Variants in OLR1 observed in about 807,000 individuals in gnomAD.
OLR1 encodes oxidized low-density lipoprotein receptor 1.
Under a neutral mutation model 31.7 loss-of-function variants are expected in OLR1, and 23 were observed. The observed-to-expected ratio is 0.72, with a 90% CI of 0.52 to 1.03. The LOEUF is 1.03. OLR1 is among the 50% of genes least tolerant of loss of function. OLR1 has a pLI of 0.00. For synonymous variants in OLR1, 117 were observed against 115.8 expected (o/e 1.01, Z -0.07); for missense variants, 286 against 315.7 (o/e 0.91, Z 0.71).
chr12:10,167,141 T>G (rs1396960669), intron 2 of OLR1, 184 bp from the exon 3 acceptor site: 14 of 599,144 alleles, frequency 2.3e-5, no homozygotes, highest in African/African-American at 1.9e-4. Flanking sequence ...GTATTTTGTT[T>G]AATGTCAGGA....
chr12:10,174,270 C>T (rs1036751523), upstream of OLR1, among the ~76,000 whole-genome samples: 3 of 152,046 alleles, frequency 2.0e-5, no homozygotes, highest in African/African-American at 7.3e-5. Context: ...ACCATGTTGG[C>T]CAGGCTGGTC....
In OLR1 at chr12:10,169,170, G is replaced by GAAGTGTA. The variant is rs759010590; in HGVS notation, c.81_82insTACACTT (p.Gln28TyrfsTer40). The GAAGTGTA allele has an allele frequency of 6.2e-7, 1 of 1,609,094 alleles. No homozygotes were observed. Among genetic ancestry groups the GAAGTGTA allele is most frequent in the Non-Finnish European group, 8.5e-7 (1 of 1,177,976 alleles). ...CACCACCATGGAGAGTAAAGAAACT[G>GAAGTGTA]AAGACCTAGAGTGACAGAGGATAGA... On this transcript the variant is annotated frameshift_variant, in exon 2 of 6. Transcript: ENST00000309539. LOFTEE classifies it high-confidence loss of function.
chr12:10,172,206 T>C, upstream of OLR1: 1 of 653,064 alleles, frequency 1.5e-6, no homozygotes, highest in Non-Finnish European at 2.7e-6. Context: ...CAATCATTGG[T>C]AGGAGGAAGG....
rs780750116 is a variant in OLR1, at chr12:10,169,103, A to G, written c.149T>C (p.Val50Ala). Residue 50 changes from valine to alanine, a missense_variant, in exon 2 of 6, where the codon GTA becomes GCA. By Grantham distance (64) the Val-to-Ala change is moderately conservative. Coordinates refer to ENST00000309539, the MANE Select transcript of OLR1 (RefSeq NM_002543.4). Reference protein sequence around the residue: ...ATLGVLCLGLVVTIMVLGMQL... With the variant: ...ATLGVLCLGLAVTIMVLGMQL... ...CATGCCCAGCACCATAATGGTCACTACTAATCCCAGGCAAAGGACCCCTAG... is the reference window on the plus strand; with the variant it reads ...CATGCCCAGCACCATAATGGTCACTGCTAATCCCAGGCAAAGGACCCCTAG... The G allele has an allele frequency of 6.2e-7, 1 of 1,613,910 alleles. No homozygotes were observed. The highest frequency in any genetic ancestry group is 8.5e-7 in the Non-Finnish European group (1 of 1,179,934).
intron 3 of OLR1, among the ~76,000 whole-genome samples, chr12:10,165,132 G>C (rs1565420849): frequency 6.6e-6 from 1 of 152,128 alleles, no homozygotes; most frequent in Admixed American, 6.5e-5. Flanking sequence ...GTGTGGTGGC[G>C]GGTGCCTCTA....
intron 1 of OLR1, among the ~76,000 whole-genome samples, chr12:10,169,777 C>G (rs1948694682): frequency 6.6e-6 from 1 of 151,982 alleles, no homozygotes; most frequent in South Asian, 2.1e-4. Flanking sequence ...GGGATGAAAC[C>G]TTGATATTAA....
rs2137528485 is a variant in OLR1 at position 10,171,712 on chromosome 12, T to C, written c.76+290A>G. ...CAGTTAGCTCTCTGTAAAAGGGAGA[T>C]AGTAATAGTACCAATCTCAAAATGT... On this transcript the variant is annotated intron_variant, in intron 1 of 5. Coordinates refer to ENST00000309539, the MANE Select transcript of OLR1 (RefSeq NM_002543.4). Among the ~76,000 whole-genome samples the C allele has an allele frequency of 2.0e-5, 3 of 152,280 alleles. 1 individual carries two copies. The Middle Eastern group carries it at 0.01, about 518-fold the overall frequency.
At chr12:10,174,098 T>C (rs1249684084), upstream of OLR1, among the ~76,000 whole-genome samples, 1 of 152,170 alleles carries the variant, frequency 6.6e-6, no homozygotes, top group African/African-American at 2.4e-5. Context: ...TTCACCCTTG[T>C]TACCCAGGGT....
chr12:10,169,185 CAG>C lies in OLR1; in HGVS notation c.77-12_77-11del, dbSNP rs1424640508. 3 of 1,594,854 alleles carry C rather than the reference CAG, an allele frequency of 1.9e-6. No individual in the cohort carries two copies. Among genetic ancestry groups the C allele is most frequent in the African/African-American group, 1.4e-5 (1 of 73,948 alleles). ...TAAAGAAACTGAAGACCTAGAGTGACAGAGGATAGAATCAGAAAGACAAAAAA... is the reference window on the plus strand; with the variant it reads ...TAAAGAAACTGAAGACCTAGAGTGACAGGATAGAATCAGAAAGACAAAAAA... On this transcript the variant is annotated splice_polypyrimidine_tract_variant and intron_variant, in intron 1 of 5. Coordinates refer to ENST00000309539, the MANE Select transcript of OLR1 (RefSeq NM_002543.4).
Position 10,159,802 on chromosome 12 carries a change from C to A in OLR1, c.*78G>T. On this transcript the variant is annotated 3_prime_UTR_variant, in exon 6 of 6. Transcript: ENST00000309539. ...CAGTTTTCTGGGCTCTCATGTTTGG[C>A]ACCCAAGTGACAAAGAATAGCTTAA... 2 of 1,427,954 alleles carry A rather than the reference C, an allele frequency of 1.4e-6. No homozygotes were observed. Among genetic ancestry groups the A allele is most frequent in the Non-Finnish European group, 1.9e-6 (2 of 1,060,866 alleles). 88.5% of individuals were successfully genotyped at this position (1,427,954 alleles called of 1,614,324 possible).
In OLR1 at chr12:10,158,739, A is replaced by G. The variant is rs2137498266; in HGVS notation, c.*1141T>C. On this transcript the variant is annotated 3_prime_UTR_variant, in exon 6 of 6. Transcript: ENST00000309539. ...GTTTATTTTATGTTAATTATATCTC[A>G]ATAAAGCTTTTAACAAAAGCAAACA... is the stretch of plus-strand genomic sequence containing the variant. The G allele has an allele frequency of 6.6e-6, 1 of 152,272 alleles. No homozygotes were observed. Among genetic ancestry groups the G allele is most frequent in the East Asian group, 1.9e-4 (1 of 5,190 alleles). The allele number at this position is 152,272 out of a possible 1,614,324, so 9.4% of individuals were successfully genotyped here.
rs977830938 is a variant in OLR1 at position 10,158,358 on chromosome 12, A to T, written c.*1522T>A. 5.3e-5 allele frequency: 8 copies of T among 152,258 alleles called. No individual in the cohort carries two copies. Among genetic ancestry groups the T allele is most frequent in the Admixed American group, 1.3e-4 (2 of 15,290 alleles). 9.4% of individuals were successfully genotyped at this position (152,258 alleles called of 1,614,324 possible). A position where few individuals can be genotyped will look rare whatever the true frequency, so the allele number is the denominator to read the frequency against. Reference sequence around the variant, plus strand: ...TAATATCCCAAAACTAAAACAACCCAAATGTCATCAACAAGTAAATGGGTA... The same window carrying T: ...TAATATCCCAAAACTAAAACAACCCTAATGTCATCAACAAGTAAATGGGTA... On this transcript the variant is annotated 3_prime_UTR_variant, in exon 6 of 6. Transcript: ENST00000309539.
At chr12:10,172,870 C>G (rs182387346), upstream of OLR1, among the ~76,000 whole-genome samples, 1 of 152,130 alleles carries the variant, frequency 6.6e-6, no homozygotes. Context: ...GGGATAATGT[C>G]TACCTGATAA....
chr12:10,172,238 G>A (rs552562271), upstream of OLR1: 22 of 572,386 alleles, frequency 3.8e-5, no homozygotes, highest in South Asian at 6.9e-5. Flanking sequence ...TTCATATTGG[G>A]AAGTTCGCTG....
rs1347145798 is a variant in OLR1, at chr12:10,160,860, T to G, written c.490A>C (p.Asn164His). 6 of 1,614,036 alleles carry G rather than the reference T, an allele frequency of 3.7e-6. No individual in the cohort carries two copies. The highest frequency in any genetic ancestry group is 5.1e-6 in the Non-Finnish European group (6 of 1,180,000). The change falls in exon 4 of 6, where the codon AAC (asparagine) becomes CAC (histidine). Residue 164 changes from asparagine to histidine, a missense_variant. By Grantham distance (68) the Asn-to-His change is moderately conservative. Transcript: ENST00000309539. The part of the protein sequence containing the change: ...NCYLFSSGSF[N>H]WEKSQEKCLS... ...CACTTCTCTTGGCTCTTTTCCCAGT[T>G]AAATGAGCCCGAGGAAAATAGGTAA...
chr12:10,161,687 C>G (rs897109650), intron 3 of OLR1, among the ~76,000 whole-genome samples: 1 of 152,038 alleles, frequency 6.6e-6, no homozygotes, highest in African/African-American at 2.4e-5. Flanking sequence ...GAGTTACAGG[C>G]ATGACCCACC....
chr12:10,163,977 A>G (rs1308234776), intron 3 of OLR1, among the ~76,000 whole-genome samples: 2 of 152,038 alleles, frequency 1.3e-5, no homozygotes, highest in African/African-American at 4.8e-5. Context: ...TTTATTTGCT[A>G]TCTCTACTAA....
At chr12:10,169,012 T>C in intron 2 of OLR1, 62 bp downstream of exon 2, 2 of 1,163,588 alleles carry the variant, frequency 1.7e-6, no homozygotes, top group Non-Finnish European at 2.5e-6. Flanking sequence ...AAACCATATT[T>C]ATTAACCTCA....
At chr12:10,168,928 G>T in intron 2 of OLR1, 146 bp downstream of exon 2, 2 of 498,770 alleles carry the variant, frequency 4.0e-6, no homozygotes, top group South Asian at 4.3e-5. Flanking sequence ...TATTTTCATG[G>T]TCACTCTTAA....
Sources: gnomAD v4.1 joint callset for allele counts (sites outside exome capture counted in the v4.1 genomes callset) on GRCh38, gnomAD v4.1.1 for gene constraint, MANE v1.5 for transcripts, NCBI Gene and HGNC (gene_info 2026-07-23, HGNC 2026-07-21) for gene names.